ROR2: variants seen among roughly 807,000 people sequenced by gnomAD.
ROR2 encodes the protein ROR family WNT receptor 2.
A neutral mutation model predicts 74.9 loss-of-function variants in ROR2; 33 were observed. That is an observed-to-expected ratio of 0.44 (90% CI 0.33 to 0.59). The LOEUF (loss-of-function observed/expected upper bound fraction) is 0.59, where lower values mean the gene tolerates loss of function less well. Among genes scored for constraint, ROR2 ranks in the 20% least tolerant of loss-of-function variants. The probability of loss-of-function intolerance (pLI) is 0.02; values close to 1 mark genes in which losing one functional copy is unlikely to be tolerated. For synonymous variants in ROR2, 586 were observed against 558.7 expected, an observed-to-expected ratio of 1.05 and a Z score of -0.69; for missense variants, 1,216 against 1,313.8, an observed-to-expected ratio of 0.93 and a Z score of 1.15.
At chr9:91,788,623 G>A (rs112531673) in intron 1 of ROR2, among the ~76,000 whole-genome samples, 8,882 of 152,000 alleles carry the variant, frequency 0.058, 491 homozygotes, top group Admixed American at 0.16. Flanking sequence ...CCAGCACTTC[G>A]GGAGGCCGAG....
At chr9:91,819,811 G>T (rs561761756) in intron 1 of ROR2, among the ~76,000 whole-genome samples, 1 of 151,924 alleles carries the variant, frequency 6.6e-6, no homozygotes, top group African/African-American at 2.4e-5. Context: ...GTGTGTGCCT[G>T]TGTTTGTCTG....
At chr9:91,771,262 C>T (rs1026136763) in intron 2 of ROR2, among the ~76,000 whole-genome samples, 18 of 152,194 alleles carry the variant, frequency 1.2e-4, no homozygotes, top group African/African-American at 3.6e-4. Flanking sequence ...GAACAGGAGG[C>T]CAGCAGACGG....
At chr9:91,786,074 C>T (rs574102570) in intron 1 of ROR2, among the ~76,000 whole-genome samples, 1 of 147,194 alleles carries the variant, frequency 6.8e-6, no homozygotes, top group East Asian at 2.0e-4. Flanking sequence ...TGGCTCATGC[C>T]TATAACCCCA....
Position 91,723,837 on chromosome 9 carries a change from C to G in ROR2, c.2657G>C (p.Arg886Thr). Residue 886 changes from arginine (R) to threonine (T), a missense_variant, in exon 9 of 9, where the codon AGG becomes ACG. Physicochemically the swap from Arg to Thr is moderately conservative, Grantham distance 71. Coordinates refer to ENST00000375708, the MANE Select transcript of ROR2 (RefSeq NM_004560.4). Reference protein sequence around the residue: ...TAPSNTSMADRAALLSEGADD... With the variant: ...TAPSNTSMADTAALLSEGADD... The stretch of plus-strand genomic sequence containing the variant: ...AGCGCCCTCTGAGAGCAGGGCTGCC[C>G]TGTCTGCCATGGATGTGTTGGAGGG... 6.2e-7 allele frequency: 1 copy of G among 1,614,060 alleles called. No homozygotes were observed. The highest frequency in any genetic ancestry group is 8.5e-7 in the Non-Finnish European group (1 of 1,180,030).
chr9:91,839,690 T>A (rs567618771), intron 1 of ROR2, among the ~76,000 whole-genome samples: 1 of 150,674 alleles, frequency 6.6e-6, no homozygotes, highest in Non-Finnish European at 1.5e-5. Context: ...TGTGGGTGTG[T>A]GTGTGTTGTA....
At chr9:91,744,011 G>A (rs72744469) in intron 4 of ROR2, among the ~76,000 whole-genome samples, 1 of 152,196 alleles carries the variant, frequency 6.6e-6, no homozygotes, top group Non-Finnish European at 1.5e-5. Flanking sequence ...CAATAAACAG[G>A]AATGAAGTGC....
chr9:91,798,892 C>T (rs764303571), intron 1 of ROR2, among the ~76,000 whole-genome samples: 48 of 152,082 alleles, frequency 3.2e-4, no homozygotes, highest in Non-Finnish European at 5.7e-4. Flanking sequence ...GAGAAGCAGG[C>T]GGGAGAGATA....
chr9:91,825,126 G>T (rs528441980), intron 1 of ROR2, among the ~76,000 whole-genome samples: 1 of 152,290 alleles, frequency 6.6e-6, no homozygotes, highest in South Asian at 2.1e-4. Flanking sequence ...TGTTTCCACC[G>T]CTGGCAGCAT....
intron 1 of ROR2, among the ~76,000 whole-genome samples, chr9:91,884,014 C>A (rs113920681): frequency 2.6e-5 from 4 of 152,294 alleles, no homozygotes; most frequent in African/African-American, 9.6e-5. Context: ...AGAGAAAGCA[C>A]ACTCACCATC....
rs149544230 is a variant in ROR2 at position 91,914,629 on chromosome 9, C to T, written c.97+35238G>A. Among the ~76,000 whole-genome samples the T allele has an allele frequency of 4.7e-3, 716 of 152,194 alleles. 4 individuals carry two copies. Among genetic ancestry groups the T allele is most frequent in the African/African-American group, 0.016 (663 of 41,540 alleles). ...ACAGTACGGCGGGGCAGGGGAGAGG[C>T]TTTTCCCCAAAACTCCTCTGCCTGG... is the stretch of plus-strand genomic sequence containing the variant. On this transcript the variant is annotated intron_variant, in intron 1 of 8. Coordinates refer to ENST00000375708, the MANE Select transcript of ROR2 (RefSeq NM_004560.4).
At chr9:91,854,353 G>A (rs374516015) in intron 1 of ROR2, among the ~76,000 whole-genome samples, 2 of 152,164 alleles carry the variant, frequency 1.3e-5, no homozygotes, top group African/African-American at 4.8e-5. Flanking sequence ...TAGGATAGGG[G>A]CCAATGGCAA....
chr9:91,895,419 A>G (rs550957191), intron 1 of ROR2, among the ~76,000 whole-genome samples: 2 of 152,378 alleles, frequency 1.3e-5, no homozygotes, highest in African/African-American at 4.8e-5. Context: ...TGATAATGAT[A>G]TATCAATATA....
At chr9:91,947,775 G>GT (rs920413521) in intron 1 of ROR2, among the ~76,000 whole-genome samples, 3 of 152,092 alleles carry the variant, frequency 2.0e-5, no homozygotes, top group Non-Finnish European at 4.4e-5. Context: ...CCCCTAAATA[G>GT]TTTTACATAA....
In ROR2 at chr9:91,905,413, A is replaced by C. The variant is rs1016840047; in HGVS notation, c.97+44454T>G. Reference sequence around the variant, plus strand: ...ACACACAGAGAGACAAAAACTATACAAATGTCACATCACACAAAGATGACA... The same window carrying C: ...ACACACAGAGAGACAAAAACTATACCAATGTCACATCACACAAAGATGACA... On this transcript the variant is annotated intron_variant, in intron 1 of 8. Coordinates refer to ENST00000375708, the MANE Select transcript of ROR2 (RefSeq NM_004560.4). The surrounding 1 kb of genome is among the most constrained non-coding windows in gnomAD (Gnocchi z 5.3). 2.0e-5 allele frequency among the ~76,000 whole-genome samples: 3 copies of C among 151,806 alleles called. No individual in the cohort carries two copies. In the South Asian group the frequency reaches 6.3e-4, roughly 32 times the overall value.
intron 1 of ROR2, among the ~76,000 whole-genome samples, chr9:91,878,496 C>T (rs1830015948): frequency 6.6e-6 from 1 of 152,210 alleles, no homozygotes; most frequent in African/African-American, 2.4e-5. Flanking sequence ...ATTTCTTGGA[C>T]TCTTATTATA....
chr9:91,737,399 C>T lies in ROR2; in HGVS notation c.614G>A (p.Arg205Gln), dbSNP rs752557850. The T allele has an allele frequency of 1.6e-5, 26 of 1,613,978 alleles. No homozygotes were observed. Among genetic ancestry groups the T allele is most frequent in the South Asian group, 3.3e-5 (3 of 91,074 alleles). ...SLQMQGEIEN[R>Q]ITAAFTMIGT... is the part of the protein sequence containing the mutation. ...AGGTCTGCAGCTCCTACCTGTGATTCGGTTTTCAATCTCCCCCTGCATCTG... is the reference window on the plus strand; with the variant it reads ...AGGTCTGCAGCTCCTACCTGTGATTTGGTTTTCAATCTCCCCCTGCATCTG... The change falls in exon 5 of 9, where the codon CGA becomes CAA. Residue 205 changes from arginine to glutamine, a missense_variant. Arg to Gln is a conservative substitution (Grantham distance 43). Coordinates refer to ENST00000375708, the MANE Select transcript of ROR2 (RefSeq NM_004560.4).
At chr9:91,866,362 C>T (rs1415799421) in intron 1 of ROR2, among the ~76,000 whole-genome samples, 1 of 151,466 alleles carries the variant, frequency 6.6e-6, no homozygotes, top group African/African-American at 2.4e-5. Context: ...TCATTATCTG[C>T]CCGCCTCGGC....
chr9:91,911,150 G>T (rs547772887), intron 1 of ROR2, among the ~76,000 whole-genome samples: 2 of 152,146 alleles, frequency 1.3e-5, no homozygotes, highest in East Asian at 3.8e-4. Flanking sequence ...CTGTTCCTTT[G>T]AAAATATACA....
At chr9:91,795,654 G>A (rs556368920) in intron 1 of ROR2, among the ~76,000 whole-genome samples, 2 of 152,196 alleles carry the variant, frequency 1.3e-5, no homozygotes, top group South Asian at 2.1e-4. Flanking sequence ...GGTTGTTTCC[G>A]AGCTTTTCCT....
Sources: allele counts gnomAD v4.1 joint callset (sites outside exome capture counted in the v4.1 genomes callset), GRCh38; gene constraint gnomAD v4.1.1; non-coding constraint Gnocchi (gnomAD v3.1); transcripts MANE v1.5; gene names NCBI Gene and HGNC (gene_info 2026-07-23, HGNC 2026-07-21).